The following PAPPA variants were observed in gnomAD, a reference collection of about 807,000 sequenced individuals.
The protein encoded by PAPPA is pappalysin 1.
A neutral mutation model predicts 164.0 loss-of-function variants in PAPPA; 60 were observed. The ratio of observed to expected loss-of-function variants is 0.37; its 90% CI spans 0.30 to 0.45. The LOEUF (loss-of-function observed/expected upper bound fraction) is 0.45. PAPPA is among the 20% of genes least tolerant of loss of function. The pLI, the probability that PAPPA is intolerant of heterozygous loss-of-function variation, is 1.00. For missense variants in PAPPA, 1,782 were observed against 2,087.3 expected, an observed-to-expected ratio of 0.85 and a Z score of 2.85; for synonymous variants, 875 against 814.1, an observed-to-expected ratio of 1.07 and a Z score of -1.27.
At chr9:116,360,769 G>T (rs1588020036) in intron 17 of PAPPA, among the ~76,000 whole-genome samples, 2 of 152,294 alleles carry the variant, frequency 1.3e-5, no homozygotes, top group Admixed American at 6.5e-5. Flanking sequence ...AATGCACTGA[G>T]TGGCCTGGAC....
intron 10 of PAPPA, among the ~76,000 whole-genome samples, chr9:116,306,971 G>C (rs1426464523): frequency 1.3e-5 from 2 of 152,208 alleles, no homozygotes; most frequent in Non-Finnish European, 2.9e-5. Context: ...TTAATCCTTT[G>C]AGGGTAAAAC....
At chr9:116,342,756 G>C (rs1846154782) in intron 13 of PAPPA, among the ~76,000 whole-genome samples, 1 of 152,126 alleles carries the variant, frequency 6.6e-6, no homozygotes, top group South Asian at 2.1e-4. Flanking sequence ...GAACATAAAA[G>C]CCTTGAGGTT....
intron 9 of PAPPA, among the ~76,000 whole-genome samples, chr9:116,281,807 G>T: frequency 6.6e-6 from 1 of 152,136 alleles, no homozygotes; most frequent in East Asian, 1.9e-4. Flanking sequence ...CTTCCTGAGT[G>T]CTGCATCTTA....
chr9:116,267,644 C>G (rs532470509), intron 8 of PAPPA, among the ~76,000 whole-genome samples: 1 of 151,838 alleles, frequency 6.6e-6, no homozygotes, highest in Admixed American at 6.6e-5. Flanking sequence ...GAGGCCGAGG[C>G]GGGTGGATCA....
intron 1 of PAPPA, among the ~76,000 whole-genome samples, chr9:116,185,925 T>G (rs1245668134): frequency 6.6e-6 from 1 of 152,034 alleles, no homozygotes; most frequent in African/African-American, 2.4e-5. Context: ...GCTATAGAAT[T>G]AGGGCCTAGG....
At chr9:116,209,776 G>T (rs1844284110) in intron 3 of PAPPA, among the ~76,000 whole-genome samples, 1 of 152,154 alleles carries the variant, frequency 6.6e-6, no homozygotes, top group African/African-American at 2.4e-5. Flanking sequence ...CAATAATGAA[G>T]CTTCATGGAG....
chr9:116,354,636 A>G (rs1252501734), intron 17 of PAPPA, among the ~76,000 whole-genome samples: 2 of 152,146 alleles, frequency 1.3e-5, no homozygotes, highest in African/African-American at 4.8e-5. Context: ...TTACTGAGTC[A>G]TACCCATTCT....
In PAPPA at chr9:116,334,851, C is replaced by T. The variant is rs373898656; in HGVS notation, c.3398-10C>T. On this transcript the variant is annotated splice_polypyrimidine_tract_variant and intron_variant, in intron 12 of 21. Coordinates refer to ENST00000328252, the MANE Select transcript of PAPPA (RefSeq NM_002581.5). The stretch of plus-strand genomic sequence containing the variant: ...GCCTGGCCCCTCGGCCCCTCTGTCT[C>T]CCCTGACAGGCCTCCATGTCCTGAG... 9.9e-6 allele frequency: 16 copies of T among 1,610,612 alleles called. No individual in the cohort carries two copies. The highest frequency in any genetic ancestry group is 1.4e-5 in the Non-Finnish European group (16 of 1,176,952).
intron 21 of PAPPA, among the ~76,000 whole-genome samples, chr9:116,389,593 A>T (rs1463853874): frequency 1.3e-5 from 2 of 151,912 alleles, no homozygotes; most frequent in African/African-American, 2.4e-5. Flanking sequence ...ACCCCTTGCT[A>T]TCCTTAGTTC....
At chr9:116,364,966 C>A (rs1319223471) in intron 18 of PAPPA, among the ~76,000 whole-genome samples, 1 of 152,096 alleles carries the variant, frequency 6.6e-6, no homozygotes, top group South Asian at 2.1e-4. Flanking sequence ...TGGAGGAGAT[C>A]AGAGAGAAAA....
intron 7 of PAPPA, among the ~76,000 whole-genome samples, chr9:116,239,088 T>A (rs1014239409): frequency 6.6e-6 from 1 of 152,120 alleles, no homozygotes; most frequent in Non-Finnish European, 1.5e-5. Context: ...TTTGTCTTCA[T>A]TTTTTTTCTC....
chr9:116,329,518 T>C (rs1845963215), intron 10 of PAPPA, among the ~76,000 whole-genome samples: 1 of 152,210 alleles, frequency 6.6e-6, no homozygotes, highest in South Asian at 2.1e-4. Flanking sequence ...TCCTTTTTTT[T>C]CCTGACTCCC....
chr9:116,275,471 T>C (rs1845185529), intron 9 of PAPPA, among the ~76,000 whole-genome samples: 1 of 152,132 alleles, frequency 6.6e-6, no homozygotes, highest in Non-Finnish European at 1.5e-5. Context: ...TATGACATCT[T>C]AACTTGCACC....
At chr9:116,305,138 C>CACACAG (rs1845629508) in intron 10 of PAPPA, among the ~76,000 whole-genome samples, 1 of 136,984 alleles carries the variant, frequency 7.3e-6, no homozygotes, top group Non-Finnish European at 1.7e-5. Flanking sequence ...CACACAGACA[C>CACACAG]ACACACACAC....
chr9:116,325,890 T>C (rs949612170), intron 10 of PAPPA, among the ~76,000 whole-genome samples: 8 of 152,206 alleles, frequency 5.3e-5, no homozygotes, highest in African/African-American at 1.9e-4. Flanking sequence ...TGTTGCTCCT[T>C]ATTGGCTGTA....
At chr9:116,343,249 C>T (rs1364811470) in intron 13 of PAPPA, among the ~76,000 whole-genome samples, 1 of 152,134 alleles carries the variant, frequency 6.6e-6, no homozygotes, top group East Asian at 1.9e-4. Context: ...AACTATAATA[C>T]AAGGGGAATG....
Position 116,289,357 on chromosome 9 carries a change from G to GCCATATATATA in PAPPA, c.2954-13400_2954-13399insCCATATATATA, listed in dbSNP as rs1564212428. Among the ~76,000 whole-genome samples the GCCATATATATA allele has an allele frequency of 3.2e-3, 350 of 108,408 alleles. 13 individuals are homozygous for GCCATATATATA. The highest frequency in any genetic ancestry group is 5.7e-3 in the African/African-American group (155 of 27,224). The allele number at this position is 108,408 out of a possible 152,430, so 71.1% of individuals were successfully genotyped here. A position where few individuals can be genotyped will look rare whatever the true frequency, so the allele number is the denominator to read the frequency against. Reference sequence around the variant, plus strand: ...TATAGCATATATATGGCATATATATGGCATATATATGGCATATATATAGCA... The same window carrying GCCATATATATA: ...TATAGCATATATATGGCATATATATGCCATATATATAGCATATATATGGCATATATATAGCA... On this transcript the variant is annotated intron_variant, in intron 9 of 21. Coordinates refer to ENST00000328252, the MANE Select transcript of PAPPA (RefSeq NM_002581.5).
chr9:116,330,589 G>T (rs894861419), intron 10 of PAPPA, among the ~76,000 whole-genome samples: 1 of 151,608 alleles, frequency 6.6e-6, no homozygotes, highest in African/African-American at 2.4e-5. Context: ...CATTGAGAAT[G>T]AATTTGTGTG....
intron 9 of PAPPA, among the ~76,000 whole-genome samples, chr9:116,300,343 T>A (rs1027653609): frequency 1.3e-5 from 2 of 152,152 alleles, no homozygotes; most frequent in Non-Finnish European, 1.5e-5. Flanking sequence ...AGTGGTGTGA[T>A]CACTACTCAC....
Sources: gnomAD v4.1 joint callset for allele counts (sites outside exome capture counted in the v4.1 genomes callset) on GRCh38, gnomAD v4.1.1 for gene constraint, MANE v1.5 for transcripts, NCBI Gene and HGNC (gene_info 2026-07-23, HGNC 2026-07-21) for gene names.